The following SPPL3 variants were observed in gnomAD, a reference collection of about 807,000 sequenced individuals.
SPPL3 encodes signal peptide peptidase-like 3.
A neutral mutation model predicts 42.4 loss-of-function variants in SPPL3; 5 were observed. That is an observed-to-expected ratio of 0.12 (90% CI 0.06 to 0.25). SPPL3 has a LOEUF of 0.25. Ranked by LOEUF, SPPL3 falls within the 10% of genes least tolerant of loss-of-function variation. SPPL3 has a pLI of 1.00. For synonymous variants in SPPL3, 195 were observed against 181.8 expected (o/e 1.07, Z -0.58); for missense variants, 235 against 489.0 (o/e 0.48, Z 4.90).
intron 1 of SPPL3, among the ~76,000 whole-genome samples, chr12:120,834,269 A>AC (rs1156671715): frequency 6.6e-6 from 1 of 152,202 alleles, no homozygotes; most frequent in Non-Finnish European, 1.5e-5. Flanking sequence ...CCTTCAACAC[A>AC]ATCATGTGCT....
At chr12:120,865,198 T>C (rs886502038) in intron 1 of SPPL3, among the ~76,000 whole-genome samples, 1 of 152,226 alleles carries the variant, frequency 6.6e-6, no homozygotes, top group African/African-American at 2.4e-5. Context: ...ACTGTTTTAA[T>C]ATAACTGCTG....
intron 1 of SPPL3, among the ~76,000 whole-genome samples, chr12:120,832,599 G>A (rs1488623267): frequency 6.6e-6 from 1 of 152,026 alleles, no homozygotes; most frequent in African/African-American, 2.4e-5. Context: ...CTTGAACCCG[G>A]AGGTTGCAGT....
intron 1 of SPPL3, among the ~76,000 whole-genome samples, chr12:120,862,444 C>G (rs4622341): frequency 6.6e-6 from 1 of 152,220 alleles, no homozygotes; most frequent in African/African-American, 2.4e-5. Context: ...ACCCGTACTT[C>G]TGACTCATCA....
At chr12:120,787,675 A>T (rs1340331024) in intron 3 of SPPL3, among the ~76,000 whole-genome samples, 1 of 151,956 alleles carries the variant, frequency 6.6e-6, no homozygotes, top group Admixed American at 6.6e-5. Context: ...TCTCTCTCTC[A>T]TTCTCCTGAA....
At chr12:120,788,976 A>G (rs1048877811) in intron 3 of SPPL3, among the ~76,000 whole-genome samples, 8 of 152,178 alleles carry the variant, frequency 5.3e-5, no homozygotes, top group Non-Finnish European at 1.2e-4. Flanking sequence ...ATAATTTTAT[A>G]TTCCATAATC....
chr12:120,809,258 T>C (rs1390352694), intron 2 of SPPL3, among the ~76,000 whole-genome samples: 1 of 151,786 alleles, frequency 6.6e-6, no homozygotes, highest in Non-Finnish European at 1.5e-5. Flanking sequence ...GACAGAAGAA[T>C]GGCGTGGACC....
chr12:120,873,599 G>A (rs1489030721), intron 1 of SPPL3, among the ~76,000 whole-genome samples: 5 of 152,146 alleles, frequency 3.3e-5, no homozygotes, highest in African/African-American at 4.8e-5. Context: ...ATGAGTCCGT[G>A]CACAGTGGCT....
intron 2 of SPPL3, among the ~76,000 whole-genome samples, chr12:120,792,429 CAGT>C (rs2136986757): frequency 1.3e-5 from 2 of 152,272 alleles, no homozygotes; most frequent in African/African-American, 4.8e-5. Flanking sequence ...TTTGTGGGTG[CAGT>C]GGCTCACGCC....
intron 1 of SPPL3, among the ~76,000 whole-genome samples, chr12:120,837,641 A>G (rs928218040): frequency 1.2e-4 from 19 of 152,332 alleles, no homozygotes; most frequent in East Asian, 7.7e-4. Context: ...AGTCAAACAG[A>G]TAACTTCAAC....
intron 1 of SPPL3, among the ~76,000 whole-genome samples, chr12:120,863,428 A>G (rs2137044011): frequency 6.6e-6 from 1 of 152,294 alleles, no homozygotes; most frequent in South Asian, 2.1e-4. Context: ...ACCGTTTTAC[A>G]TTTCTGCAAA....
chr12:120,838,038 A>C lies in SPPL3; in HGVS notation c.24-27152T>G, dbSNP rs1871680077. Among the ~76,000 whole-genome samples the C allele has an allele frequency of 3.9e-5, 6 of 152,350 alleles. No homozygotes were observed. In the South Asian group the frequency reaches 1.2e-3, roughly 32 times the overall value. On this transcript the variant is annotated intron_variant, in intron 1 of 10. Transcript: ENST00000353487. ...ACTGAGCAAGACTTCGTCTCAAAAA[A>C]TAAAAAATAAATAAAACTCAGACAC...
chr12:120,863,820 T>A (rs1364898901), intron 1 of SPPL3, among the ~76,000 whole-genome samples: 1 of 142,006 alleles, frequency 7.0e-6, no homozygotes, highest in Non-Finnish European at 1.6e-5. Context: ...TTTTTTTTTT[T>A]TCTTGTAGCT....
chr12:120,902,922 TA>T (rs1461717019), intron 1 of SPPL3, among the ~76,000 whole-genome samples: 2 of 152,108 alleles, frequency 1.3e-5, no homozygotes, highest in Non-Finnish European at 2.9e-5. Context: ...CTCTACATGC[TA>T]AAGGGAGACC....
At chr12:120,892,425 G>A (rs1873668336) in intron 1 of SPPL3, among the ~76,000 whole-genome samples, 1 of 152,014 alleles carries the variant, frequency 6.6e-6, no homozygotes, top group Non-Finnish European at 1.5e-5. Flanking sequence ...CACAGCAAGG[G>A]GAAAACATTG....
intron 1 of SPPL3, chr12:120,901,975 G>A (rs1297095650): frequency 2.0e-6 from 2 of 978,948 alleles, no homozygotes; most frequent in Non-Finnish European, 2.4e-6. Context: ...AAACAGCAAA[G>A]CAGCCATTAG....
intron 1 of SPPL3, among the ~76,000 whole-genome samples, chr12:120,820,077 GCCTTCTACCTTTAC>G (rs755644046): frequency 1.3e-5 from 2 of 152,166 alleles, no homozygotes; most frequent in Non-Finnish European, 2.9e-5. Context: ...GGGAATTGCT[GCCTTCTACCTTTAC>G]CCATAAGCTC....
At chr12:120,854,425 T>C (rs2137037059) in intron 1 of SPPL3, among the ~76,000 whole-genome samples, 2 of 152,278 alleles carry the variant, frequency 1.3e-5, no homozygotes, top group South Asian at 4.1e-4. Flanking sequence ...CAACATACAA[T>C]GGAGAAGTAA....
At chr12:120,862,571 A>C (rs540600235) in intron 1 of SPPL3, among the ~76,000 whole-genome samples, 1 of 152,324 alleles carries the variant, frequency 6.6e-6, no homozygotes, top group East Asian at 1.9e-4. Flanking sequence ...TAAAGGATAC[A>C]ACTCAGGAGC....
intron 1 of SPPL3, among the ~76,000 whole-genome samples, chr12:120,889,589 G>A (rs925678834): frequency 6.6e-6 from 1 of 152,240 alleles, no homozygotes; most frequent in Admixed American, 6.5e-5. Context: ...CACACTTGAA[G>A]CGGAGTCATC....
Sources: gnomAD v4.1 joint callset for allele counts (sites outside exome capture counted in the v4.1 genomes callset) on GRCh38, gnomAD v4.1.1 for gene constraint, MANE v1.5 for transcripts, NCBI Gene and HGNC (gene_info 2026-07-23, HGNC 2026-07-21) for gene names.